The following TRPC4AP variants were observed in gnomAD, a reference collection of about 807,000 sequenced individuals.
TRPC4AP encodes transient receptor potential cation channel subfamily C member 4 associated protein.
A neutral mutation model predicts 99.0 loss-of-function variants in TRPC4AP; 45 were observed. The ratio of observed to expected loss-of-function variants is 0.45; its 90% confidence interval spans 0.36 to 0.58. The LOEUF is 0.58. TRPC4AP is among the 20% of genes least tolerant of loss of function. TRPC4AP has a pLI of 0.00. For synonymous variants in TRPC4AP, 408 were observed against 385.8 expected (o/e 1.06, Z -0.67); for missense variants, 879 against 985.3 (o/e 0.89, Z 1.44).
intron 2 of TRPC4AP, among the ~76,000 whole-genome samples, chr20:35,070,694 G>A (rs762284993): frequency 6.6e-5 from 10 of 152,144 alleles, no homozygotes; most frequent in East Asian, 1.9e-4. Flanking sequence ...CACTGCGCCC[G>A]GCCAAACCTA....
At chr20:35,035,038 A>C (rs1194641366) in intron 8 of TRPC4AP, 85 bp downstream of exon 8, 1 of 1,406,364 alleles carries the variant, frequency 7.1e-7, no homozygotes, top group Non-Finnish European at 9.7e-7. Context: ...ATCTCAAATT[A>C]ATCCTTCTTG....
intron 8 of TRPC4AP, among the ~76,000 whole-genome samples, chr20:35,030,707 G>A (rs138891459): frequency 3.3e-5 from 5 of 152,218 alleles, no homozygotes; most frequent in African/African-American, 9.6e-5. Context: ...GGTACCACCC[G>A]TTTTCTTTGT....
At chr20:35,004,410 T>C in intron 17 of TRPC4AP, 48 bp downstream of exon 17, 1 of 1,516,000 alleles carries the variant, frequency 6.6e-7, no homozygotes, top group East Asian at 2.4e-5. Context: ...ACAAAGGAAG[T>C]GGTTTCCAAT....
chr20:35,046,345 T>C (rs192349807), intron 6 of TRPC4AP, among the ~76,000 whole-genome samples: 15 of 152,294 alleles, frequency 9.8e-5, no homozygotes, highest in African/African-American at 3.6e-4. Flanking sequence ...TACATCAACT[T>C]TTCTCATTTT....
intron 5 of TRPC4AP, among the ~76,000 whole-genome samples, chr20:35,052,976 A>G (rs922043914): frequency 3.3e-5 from 5 of 152,112 alleles, no homozygotes; most frequent in Admixed American, 1.3e-4. Flanking sequence ...CTACATTAAC[A>G]TGGAATTCAG....
intron 1 of TRPC4AP, among the ~76,000 whole-genome samples, chr20:35,088,319 C>A (rs966075108): frequency 2.0e-5 from 3 of 152,210 alleles, no homozygotes; most frequent in African/African-American, 4.8e-5. Context: ...TAAGTAAATA[C>A]CAGAGCTAGG....
chr20:35,007,438 G>T, intron 14 of TRPC4AP, 112 bp downstream of exon 14: 1 of 1,122,268 alleles, frequency 8.9e-7, no homozygotes, highest in South Asian at 1.5e-5. Flanking sequence ...GCATTTGGAA[G>T]TCACGAGATC....
chr20:35,018,604 G>GAAAAAAAAAAAAA (rs11479211), intron 9 of TRPC4AP, among the ~76,000 whole-genome samples: 25 of 88,932 alleles, frequency 2.8e-4, no homozygotes, highest in East Asian at 7.4e-4. Context: ...CTCAAAAAAA[G>GAAAAAAAAAAAAA]AAAAAAAAAA....
At chr20:35,021,773 G>A (rs2082896928) in intron 8 of TRPC4AP, among the ~76,000 whole-genome samples, 2 of 152,160 alleles carry the variant, frequency 1.3e-5, no homozygotes, top group South Asian at 4.1e-4. Flanking sequence ...GACTCCATGA[G>A]GGACACTGCT....
chr20:35,044,090 T>G (rs2083500769), intron 7 of TRPC4AP, among the ~76,000 whole-genome samples: 1 of 152,058 alleles, frequency 6.6e-6, no homozygotes. Context: ...GATCCATCTC[T>G]AGAGATATTT....
At chr20:35,011,556 C>A (rs2082635869) in intron 11 of TRPC4AP, among the ~76,000 whole-genome samples, 1 of 152,108 alleles carries the variant, frequency 6.6e-6, no homozygotes, top group Non-Finnish European at 1.5e-5. Flanking sequence ...CAAAATTCTA[C>A]TTCTGTACCA....
intron 8 of TRPC4AP, among the ~76,000 whole-genome samples, chr20:35,028,173 G>GAT (rs769228456): frequency 6.6e-6 from 1 of 151,172 alleles, no homozygotes; most frequent in Admixed American, 6.6e-5. Flanking sequence ...CCATAAGTTT[G>GAT]ATATATAGTA....
chr20:35,002,990 C>G lies in TRPC4AP; in HGVS notation c.*156G>C. On this transcript the variant is annotated 3_prime_UTR_variant, in exon 19 of 19. Coordinates refer to ENST00000252015, the MANE Select transcript of TRPC4AP (RefSeq NM_015638.3). ...CTAGGGCCCTCAGACCCAGGGGGAC[C>G]AAGGGCTTCTAGGACTTCCCTCCCA... 9.5e-7 allele frequency: 1 copy of G among 1,048,320 alleles called. No homozygotes were observed. Among genetic ancestry groups the G allele is most frequent in the Non-Finnish European group, 1.4e-6 (1 of 729,626 alleles). 64.9% of individuals were successfully genotyped at this position (1,048,320 alleles called of 1,614,324 possible). A position where few individuals can be genotyped will look rare whatever the true frequency, so the allele number is the denominator to read the frequency against.
chr20:35,049,102 G>C (rs2083632549), intron 6 of TRPC4AP, among the ~76,000 whole-genome samples: 1 of 152,170 alleles, frequency 6.6e-6, no homozygotes, highest in Non-Finnish European at 1.5e-5. Context: ...GGAGGCTCAG[G>C]ACAGATTAGG....
chr20:35,069,024 T>C lies in TRPC4AP; in HGVS notation c.414+272A>G, dbSNP rs556960309. Among the ~76,000 whole-genome samples, 5 of 148,754 alleles carry C rather than the reference T, an allele frequency of 3.4e-5. 1 individual carries two copies. In the South Asian group the frequency reaches 1.1e-3, roughly 32 times the overall value. ...AGCAGGACACACAAGAAACTAGTAA[T>C]CACAACTGGTTCTGAGGAGGGGACA... On this transcript the variant is annotated intron_variant, in intron 3 of 18. Coordinates refer to ENST00000252015, the MANE Select transcript of TRPC4AP (RefSeq NM_015638.3).
At chr20:35,091,165 A>G (rs934178297) in intron 1 of TRPC4AP, among the ~76,000 whole-genome samples, 1 of 151,694 alleles carries the variant, frequency 6.6e-6, no homozygotes, top group African/African-American at 2.4e-5. Flanking sequence ...GCCCGGCTAA[A>G]TTTTTGGAGA....
intron 3 of TRPC4AP, among the ~76,000 whole-genome samples, chr20:35,062,404 A>G (rs1301512904): frequency 6.6e-6 from 1 of 152,260 alleles, no homozygotes; most frequent in Admixed American, 6.5e-5. Context: ...GATTACTAAT[A>G]ATAGCCAAAA....
intron 5 of TRPC4AP, among the ~76,000 whole-genome samples, chr20:35,051,162 G>A (rs1295438917): frequency 6.6e-6 from 1 of 151,562 alleles, no homozygotes; most frequent in Non-Finnish European, 1.5e-5. Context: ...AAATTCCAAG[G>A]TTTACTGCGA....
chr20:35,062,543 T>C lies in TRPC4AP; in HGVS notation c.415-4972A>G, dbSNP rs537643512. On this transcript the variant is annotated intron_variant, in intron 3 of 18. Coordinates refer to ENST00000252015, the MANE Select transcript of TRPC4AP (RefSeq NM_015638.3). ...ATACACGTTATGACACGGATTAACC[T>C]TGAGAACATTATGTTAAGCAAAAGA... is the stretch of plus-strand genomic sequence containing the variant. Among the ~76,000 whole-genome samples the C allele has an allele frequency of 1.4e-4, 22 of 152,334 alleles. No individual in the cohort carries two copies. The East Asian group carries it at 3.5e-3, about 24-fold the overall frequency.
Sources: allele counts gnomAD v4.1 joint callset (sites outside exome capture counted in the v4.1 genomes callset), GRCh38; gene constraint gnomAD v4.1.1; transcripts MANE v1.5; gene names NCBI Gene and HGNC (gene_info 2026-07-23, HGNC 2026-07-21).